MPDZ: variants seen among roughly 807,000 people sequenced by gnomAD.
The protein encoded by MPDZ is multiple PDZ domain protein.
Under a neutral mutation model 239.1 loss-of-function variants are expected in MPDZ, and 234 were observed. The ratio of observed to expected loss-of-function variants is 0.98; its 90% CI spans 0.88 to 1.09. The LOEUF (loss-of-function observed/expected upper bound fraction) is 1.09. MPDZ is among the 50% of genes least tolerant of loss of function. MPDZ has a pLI of 0.00. For missense variants in MPDZ, 3,175 were observed against 2,510.0 expected, an observed-to-expected ratio of 1.26 and a Z score of -5.66; for synonymous variants, 1,048 against 881.3, an observed-to-expected ratio of 1.19 and a Z score of -3.35.
chr9:13,243,404 G>T, intron 3 of MPDZ, among the ~76,000 whole-genome samples: 1 of 147,906 alleles, frequency 6.8e-6, no homozygotes, highest in Admixed American at 6.7e-5. Flanking sequence ...CAAATTAAAT[G>T]ACATACTCAA....
chr9:13,237,016 T>C (rs1964233541), intron 3 of MPDZ, among the ~76,000 whole-genome samples: 1 of 152,182 alleles, frequency 6.6e-6, no homozygotes, highest in African/African-American at 2.4e-5. Context: ...ACAAATTGCT[T>C]TCAGCGCCTA....
chr9:13,279,297 C>CG (rs1469861972), intron 1 of MPDZ, 103 bp downstream of exon 1: 1 of 139,936 alleles, frequency 7.1e-6, no homozygotes, highest in Non-Finnish European at 1.6e-5. Context: ...ACCCCCACCC[C>CG]CAAGCGCCGA....
At chr9:13,226,925 T>C (rs1334422854) in intron 3 of MPDZ, among the ~76,000 whole-genome samples, 1 of 152,158 alleles carries the variant, frequency 6.6e-6, no homozygotes, top group East Asian at 1.9e-4. Flanking sequence ...ATCATCTCAA[T>C]GCTAAGGATG....
rs187430787 is a variant in MPDZ, at chr9:13,260,798, C to A, written c.-57-10426G>T. 7.2e-5 allele frequency among the ~76,000 whole-genome samples: 11 copies of A among 152,264 alleles called. No homozygotes were observed. The East Asian group carries it at 1.9e-3, about 27-fold the overall frequency. ...AACCCTCATCAGAAGCAGAACCCTA[C>A]CAGACCTTGATCTTAGACCTTTCAA... is the stretch of plus-strand genomic sequence containing the variant. On this transcript the variant is annotated intron_variant, in intron 1 of 46. Coordinates refer to ENST00000319217, the MANE Select transcript of MPDZ (RefSeq NM_001378778.1).
chr9:13,216,975 T>C (rs933530659), intron 9 of MPDZ, 113 bp from the exon 10 acceptor site: 53 of 845,086 alleles, frequency 6.3e-5, no homozygotes, highest in Non-Finnish European at 9.4e-5. Flanking sequence ...TATCATCTAG[T>C]AGAAACACAG....
rs545497163 is a variant in MPDZ at position 13,140,175 on chromosome 9, G to A, written c.3841-26C>T. ...CTGTGGGAACAAAAAGAATGCAGTG[G>A]GTTTGTACAGTCTAAGGAAGAAAAC... On this transcript the variant is annotated intron_variant, in intron 27 of 46. Transcript: ENST00000319217. 14 of 1,608,848 alleles carry A rather than the reference G, an allele frequency of 8.7e-6. No homozygotes were observed. The South Asian group carries it at 1.4e-4, about 16-fold the overall frequency.
At position 13,138,050 on chromosome 9, in the gene MPDZ, G is replaced by C. The variant is rs1318837207; in HGVS notation, c.4107C>G (p.Asp1369Glu). 1 of 1,613,752 alleles carries C rather than the reference G, an allele frequency of 6.2e-7. No individual in the cohort carries two copies. The highest frequency in any genetic ancestry group is 1.7e-5 in the Admixed American group (1 of 60,014). Residue 1369 changes from aspartate (D) to glutamate (E), a missense_variant, in exon 29 of 47, where the codon GAC becomes GAG. Transcript: ENST00000319217. ...GLGLSLAGNK[D>E]RSRMSVFIVG... is the part of the protein sequence containing the mutation. Reference sequence around the variant, plus strand: ...CTATGAAGACACTCATCCTGGATCGGTCTTTGTTCCCAGCAAGACTTAGGC... The same window carrying C: ...CTATGAAGACACTCATCCTGGATCGCTCTTTGTTCCCAGCAAGACTTAGGC...
chr9:13,237,441 CAAAAAA>C (rs71331532), intron 3 of MPDZ, among the ~76,000 whole-genome samples: 1 of 54,692 alleles, frequency 1.8e-5, no homozygotes, highest in South Asian at 9.3e-4. Context: ...GACACTGTCT[CAAAAAA>C]AAAAAAAAAA....
intron 12 of MPDZ, among the ~76,000 whole-genome samples, chr9:13,197,960 T>G (rs1040430419): frequency 6.6e-6 from 1 of 152,168 alleles, no homozygotes; most frequent in African/African-American, 2.4e-5. Flanking sequence ...TATTCCATTG[T>G]GTATATACAC....
chr9:13,110,922 A>C (rs1438301246), intron 43 of MPDZ, among the ~76,000 whole-genome samples, 182 bp from the exon 44 acceptor site: 1 of 152,244 alleles, frequency 6.6e-6, no homozygotes, highest in Non-Finnish European at 1.5e-5. Context: ...CCACAAAAAG[A>C]AGCAGTGCAT....
intron 27 of MPDZ, among the ~76,000 whole-genome samples, chr9:13,142,705 T>C (rs972244968): frequency 6.6e-6 from 1 of 152,148 alleles, no homozygotes; most frequent in South Asian, 2.1e-4. Context: ...GTAATTCCTA[T>C]AGCAATAGAA....
At chr9:13,246,818 T>C (rs1397838440) in intron 3 of MPDZ, among the ~76,000 whole-genome samples, 2 of 152,212 alleles carry the variant, frequency 1.3e-5, no homozygotes, top group Non-Finnish European at 2.9e-5. Flanking sequence ...AACCATTAAA[T>C]TAATGCTAAA....
At position 13,114,021 on chromosome 9, in the gene MPDZ, C is replaced by A. The variant is rs775469446; in HGVS notation, c.5467G>T (p.Val1823Leu). 6.3e-7 allele frequency: 1 copy of A among 1,585,616 alleles called. No individual in the cohort carries two copies. The highest frequency in any genetic ancestry group is 8.6e-7 in the Non-Finnish European group (1 of 1,164,310). Reference protein sequence around the residue: ...SERRPSQSSQVSEGSLSSFTF... With the variant: ...SERRPSQSSQLSEGSLSSFTF... Reference sequence around the variant, plus strand: ...AAAGATGACAGGCTGCCTTCACTCACCTACAAATATACAACAATTATTTCA... The same window carrying A: ...AAAGATGACAGGCTGCCTTCACTCAACTACAAATATACAACAATTATTTCA... The change falls in exon 41 of 47, where the codon GTG (valine) becomes TTG (leucine). Residue 1823 changes from valine (V) to leucine (L), a missense_variant and splice_region_variant. By Grantham distance (32) the Val-to-Leu change is conservative. Coordinates refer to ENST00000319217, the MANE Select transcript of MPDZ (RefSeq NM_001378778.1).
intron 10 of MPDZ, among the ~76,000 whole-genome samples, chr9:13,210,020 C>T (rs541331493): frequency 1.4e-5 from 2 of 146,668 alleles, no homozygotes; most frequent in African/African-American, 5.0e-5. Context: ...GAAACTTACC[C>T]AACTCTACAA....
chr9:13,209,293 C>A (rs562376916), intron 10 of MPDZ, among the ~76,000 whole-genome samples: 4 of 152,208 alleles, frequency 2.6e-5, no homozygotes, highest in Admixed American at 6.5e-5. Flanking sequence ...TGCATACAAG[C>A]ACACACACAA....
rs779435226 is a variant in MPDZ at position 13,122,131 on chromosome 9, C to G, written c.4993G>C (p.Ala1665Pro). ...GCCCAGAGTCTTCCATCTTTACATG[C>G]TGCTCCTTCTTCATAAACTTCATGG... ...IIHEVYEEGA[A>P]CKDGRLWAGD... Residue 1665 changes from alanine (A) to proline (P), a missense_variant, in exon 37 of 47, where the codon GCA (alanine) becomes CCA (proline). Physicochemically the swap from Ala to Pro is conservative, Grantham distance 27 (BLOSUM62 -1). Transcript: ENST00000319217. 4.3e-6 allele frequency: 7 copies of G among 1,614,032 alleles called. No individual in the cohort carries two copies. Among genetic ancestry groups the G allele is most frequent in the Middle Eastern group, 1.6e-4 (1 of 6,062 alleles).
At chr9:13,222,812 G>A (rs1033925099) in intron 5 of MPDZ, among the ~76,000 whole-genome samples, 1 of 151,690 alleles carries the variant, frequency 6.6e-6, no homozygotes, top group African/African-American at 2.4e-5. Context: ...TCCCCAACTG[G>A]GGATCACATC....
At chr9:13,208,457 A>G (rs934453960) in intron 10 of MPDZ, among the ~76,000 whole-genome samples, 3 of 151,158 alleles carry the variant, frequency 2.0e-5, no homozygotes, top group Admixed American at 1.3e-4. Context: ...ACATAAATAA[A>G]TATTAAAAAA....
At chr9:13,200,402 C>T (rs763487741) in intron 12 of MPDZ, among the ~76,000 whole-genome samples, 1 of 151,862 alleles carries the variant, frequency 6.6e-6, no homozygotes, top group Non-Finnish European at 1.5e-5. Context: ...TGTTTTCTTA[C>T]TCTTTTGTAT....
Sources: allele counts gnomAD v4.1 joint callset (sites outside exome capture counted in the v4.1 genomes callset), GRCh38; gene constraint gnomAD v4.1.1; transcripts MANE v1.5; gene names NCBI Gene and HGNC (gene_info 2026-07-23, HGNC 2026-07-21).